Variants in TINAG observed in about 807,000 individuals in gnomAD.
TINAG encodes tubulointerstitial nephritis antigen.
A neutral mutation model predicts 72.7 loss-of-function variants in TINAG; 83 were observed. The observed-to-expected ratio is 1.14, with a 90% CI of 0.96 to 1.37. The LOEUF is 1.37. TINAG is among the 40% of genes most tolerant of loss of function. The pLI, the probability that TINAG is intolerant of heterozygous loss-of-function variation, is 0.00. For synonymous variants in TINAG, 234 were observed against 189.9 expected (o/e 1.23, Z -1.91); for missense variants, 685 against 576.6 (o/e 1.19, Z -1.93).
chr6:54,317,736 A>G (rs1784405309), intron 1 of TINAG, among the ~76,000 whole-genome samples: 1 of 152,130 alleles, frequency 6.6e-6, no homozygotes, highest in Non-Finnish European at 1.5e-5. Context: ...TCATGTCTTT[A>G]ACCAGCTACC....
In TINAG at chr6:54,321,536, A is replaced by T. The variant is rs2150936197; in HGVS notation, c.509+150A>T. Reference sequence around the variant, plus strand: ...GAGATAGAAAGCATGTAAACCTGGAATGCAAAGGTAAACATTAAATAATTA... The same window carrying T: ...GAGATAGAAAGCATGTAAACCTGGATTGCAAAGGTAAACATTAAATAATTA... On this transcript the variant is annotated intron_variant, in intron 3 of 10. Transcript: ENST00000259782. The T allele has an allele frequency of 1.6e-5, 10 of 615,576 alleles. No individual in the cohort carries two copies. In the East Asian group the frequency reaches 2.8e-4, roughly 17 times the overall value. The allele number at this position is 615,576 out of a possible 1,614,324, so 38.1% of individuals were successfully genotyped here.
chr6:54,348,305 T>C (rs1582727818), intron 6 of TINAG, among the ~76,000 whole-genome samples: 1 of 152,258 alleles, frequency 6.6e-6, no homozygotes, highest in African/African-American at 2.4e-5. Context: ...AATGGGCAAC[T>C]TGGGCTGATA....
At chr6:54,349,946 A>AGT in intron 7 of TINAG, 50 bp downstream of exon 7, 1 of 1,311,800 alleles carries the variant, frequency 7.6e-7, no homozygotes, top group Non-Finnish European at 1.0e-6. Context: ...TCAAATGTAT[A>AGT]TAGCTCTACT....
At chr6:54,364,477 A>G (rs1481827520) in intron 9 of TINAG, among the ~76,000 whole-genome samples, 2 of 151,520 alleles carry the variant, frequency 1.3e-5, no homozygotes, top group Non-Finnish European at 3.0e-5. Context: ...GAGTCAAAAT[A>G]GACTAAAAAT....
chr6:54,310,233 C>T (rs576185971), intron 1 of TINAG, among the ~76,000 whole-genome samples: 7 of 152,012 alleles, frequency 4.6e-5, no homozygotes, highest in South Asian at 4.2e-4. Flanking sequence ...CAGGTGTGTG[C>T]CTCCACACCC....
At chr6:54,381,433 AG>A (rs201067203) in intron 10 of TINAG, among the ~76,000 whole-genome samples, 2 of 152,114 alleles carry the variant, frequency 1.3e-5, no homozygotes, top group East Asian at 3.9e-4. Context: ...TACACAGTAG[AG>A]GGCATATTTT....
intron 4 of TINAG, among the ~76,000 whole-genome samples, chr6:54,340,843 A>G (rs1217381607): frequency 2.0e-5 from 3 of 152,310 alleles, no homozygotes; most frequent in Non-Finnish European, 4.4e-5. Context: ...AGAATAAATC[A>G]TAAAAGCGAC....
chr6:54,325,584 A>T (rs1784585082), intron 3 of TINAG, among the ~76,000 whole-genome samples: 1 of 152,118 alleles, frequency 6.6e-6, no homozygotes. Context: ...ACTATTTCCT[A>T]TTATTTCTCC....
At chr6:54,387,808 G>A (rs1764137665) in intron 10 of TINAG, among the ~76,000 whole-genome samples, 2 of 152,008 alleles carry the variant, frequency 1.3e-5, no homozygotes, top group African/African-American at 4.8e-5. Flanking sequence ...ACAAATGTAG[G>A]CATTTGGAAG....
Position 54,389,689 on chromosome 6 carries a change from T to G in TINAG, c.1297-102T>G. On this transcript the variant is annotated intron_variant, in intron 10 of 10. Coordinates refer to ENST00000259782, the MANE Select transcript of TINAG (RefSeq NM_014464.4). ...AGTTCTTGATAATTATAGTCTATGA[T>G]AAATCAAAGGCATTTAAAGTTACAA... The G allele has an allele frequency of 2.2e-6, 3 of 1,383,144 alleles. No individual in the cohort carries two copies. In the South Asian group the frequency reaches 4.4e-5, roughly 20 times the overall value. The allele number at this position is 1,383,144 out of a possible 1,614,324, so 85.7% of individuals were successfully genotyped here. A position where few individuals can be genotyped will look rare whatever the true frequency, so the allele number is the denominator to read the frequency against.
intron 9 of TINAG, among the ~76,000 whole-genome samples, chr6:54,378,510 T>G (rs1763851672): frequency 6.6e-6 from 1 of 152,186 alleles, no homozygotes; most frequent in African/African-American, 2.4e-5. Flanking sequence ...ATTCTTGTCT[T>G]TTGCATCATT....
At chr6:54,317,659 G>A (rs893699860) in intron 1 of TINAG, among the ~76,000 whole-genome samples, 1 of 151,924 alleles carries the variant, frequency 6.6e-6, no homozygotes, top group African/African-American at 2.4e-5. Context: ...TAATACATGT[G>A]GATTAACCAT....
chr6:54,321,013 C>T (rs1394814511), intron 2 of TINAG, among the ~76,000 whole-genome samples: 1 of 152,068 alleles, frequency 6.6e-6, no homozygotes, highest in Non-Finnish European at 1.5e-5. Context: ...AGAAAGTTTC[C>T]AAATACAAGT....
At chr6:54,339,047 A>AT (rs1467441949) in intron 4 of TINAG, among the ~76,000 whole-genome samples, 1 of 152,024 alleles carries the variant, frequency 6.6e-6, no homozygotes, top group East Asian at 1.9e-4. Flanking sequence ...TCAGATGCAT[A>AT]TTTTTTTCAC....
intron 5 of TINAG, among the ~76,000 whole-genome samples, chr6:54,344,135 T>G (rs1785065818): frequency 6.6e-6 from 1 of 152,164 alleles, no homozygotes; most frequent in Non-Finnish European, 1.5e-5. Flanking sequence ...TGCAGGTAAT[T>G]TCAACAGTGT....
intron 10 of TINAG, 92 bp from the exon 11 acceptor site, chr6:54,389,699 G>A (rs1764192866): frequency 2.8e-6 from 4 of 1,413,280 alleles, no homozygotes; most frequent in South Asian, 1.5e-5. Context: ...TAAATCAAAG[G>A]CATTTAAAGT....
chr6:54,322,339 A>T (rs1433113618), intron 3 of TINAG, among the ~76,000 whole-genome samples: 2 of 151,434 alleles, frequency 1.3e-5, no homozygotes, highest in African/African-American at 2.4e-5. Context: ...CAAACAAAAA[A>T]AAAACAAGAA....
At chr6:54,365,128 T>C (rs1456345059) in intron 9 of TINAG, among the ~76,000 whole-genome samples, 1 of 151,558 alleles carries the variant, frequency 6.6e-6, no homozygotes, top group Non-Finnish European at 1.5e-5. Context: ...TCTTAATGCA[T>C]GGGGAAGTCT....
At chr6:54,374,531 T>C (rs1183298166) in intron 9 of TINAG, among the ~76,000 whole-genome samples, 1 of 152,150 alleles carries the variant, frequency 6.6e-6, no homozygotes, top group Non-Finnish European at 1.5e-5. Flanking sequence ...CATGAGCTTT[T>C]CTTAAAAACG....
Sources: gnomAD v4.1 joint callset for allele counts (sites outside exome capture counted in the v4.1 genomes callset) on GRCh38, gnomAD v4.1.1 for gene constraint, MANE v1.5 for transcripts, NCBI Gene and HGNC (gene_info 2026-07-23, HGNC 2026-07-21) for gene names.